The following MYLK variants were observed in gnomAD, a reference collection of about 807,000 sequenced individuals.
MYLK encodes myosin light chain kinase.
A neutral mutation model predicts 203.4 loss-of-function variants in MYLK; 106 were observed. The ratio of observed to expected loss-of-function variants is 0.52; its 90% CI spans 0.45 to 0.61. MYLK has a LOEUF of 0.61. Among genes scored for constraint, MYLK ranks in the 20% least tolerant of loss-of-function variants. MYLK has a pLI of 0.00. For synonymous variants in MYLK, 867 were observed against 959.5 expected, an observed-to-expected ratio of 0.90 and a Z score of 1.78; for missense variants, 2,072 against 2,442.3, an observed-to-expected ratio of 0.85 and a Z score of 3.20.
At chr3:123,682,899 C>T (rs571187380) in intron 19 of MYLK, among the ~76,000 whole-genome samples, 1 of 152,280 alleles carries the variant, frequency 6.6e-6, no homozygotes, top group South Asian at 2.1e-4. Context: ...TGCTAGACCT[C>T]CCCCAACAGG....
chr3:123,682,240 G>T lies in MYLK; in HGVS notation c.3636C>A (p.Pro1212=). The T allele has an allele frequency of 1.2e-6, 2 of 1,601,756 alleles. No homozygotes were observed. The highest frequency in any genetic ancestry group is 1.1e-5 in the South Asian group (1 of 88,024). Residue 1212 remains proline (P), a synonymous_variant, in exon 20 of 34, where the codon CCC becomes CCA. Coordinates refer to ENST00000360304, the MANE Select transcript of MYLK (RefSeq NM_053025.4). ...KSRRPKSSLP[P]VLGTESDATV... ...AGTACTCACTCTCAGTTCCTAGCACGGGAGGAAGAGAGCTCTTGGGCCTCC... is the reference window on the plus strand; with the variant it reads ...AGTACTCACTCTCAGTTCCTAGCACTGGAGGAAGAGAGCTCTTGGGCCTCC...
At position 123,737,287 on chromosome 3, in the gene MYLK, A is replaced by AGGTGTG. The variant is rs1425944279; in HGVS notation, c.754+90_754+91insCACACC. On this transcript the variant is annotated intron_variant, in intron 8 of 33. Transcript: ENST00000360304. Reference sequence around the variant, plus strand: ...GTGTGTGAGTGGGCCAGGTGTATACACACACAGGTGCGCAGTGAACAAGCA... The same window carrying AGGTGTG: ...GTGTGTGAGTGGGCCAGGTGTATACAGGTGTGCACACAGGTGCGCAGTGAACAAGCA... 14 of 1,549,924 alleles carry AGGTGTG rather than the reference A, an allele frequency of 9.0e-6. No individual in the cohort carries two copies. The Admixed American group carries it at 1.5e-4, about 17-fold the overall frequency.
intron 3 of MYLK, chr3:123,831,298 TC>T: frequency 8.7e-7 from 1 of 1,144,252 alleles, no homozygotes; most frequent in African/African-American, 1.6e-5. Context: ...CCTGGCTAGT[TC>T]CAATGATGAT....
At chr3:123,625,731 C>T (rs1332069097) in intron 31 of MYLK, among the ~76,000 whole-genome samples, 6 of 140,824 alleles carry the variant, frequency 4.3e-5, no homozygotes, top group East Asian at 2.2e-4. Flanking sequence ...TGGTGTGACC[C>T]GGGAGGTGGA....
chr3:123,699,284 G>A (rs1365758721), intron 18 of MYLK, among the ~76,000 whole-genome samples: 2 of 152,114 alleles, frequency 1.3e-5, no homozygotes. Flanking sequence ...TGGCTCCTCT[G>A]AAAACTCCAG....
chr3:123,804,888 T>G (rs555377101), intron 3 of MYLK, among the ~76,000 whole-genome samples: 15 of 152,284 alleles, frequency 9.9e-5, no homozygotes, highest in African/African-American at 3.4e-4. Flanking sequence ...TCTGTGTGTG[T>G]CCTCCTTTCC....
At chr3:123,671,432 GAC>G (rs1348121433) in intron 20 of MYLK, among the ~76,000 whole-genome samples, 4 of 152,224 alleles carry the variant, frequency 2.6e-5, no homozygotes, top group Admixed American at 2.6e-4. Context: ...AAGAAGCCGA[GAC>G]ACAGGAGAGG....
intron 7 of MYLK, among the ~76,000 whole-genome samples, chr3:123,738,508 G>A (rs974824242): frequency 4.6e-5 from 7 of 152,256 alleles, no homozygotes; most frequent in Admixed American, 3.9e-4. Flanking sequence ...GCTATGATAT[G>A]GTTTGGCTGT....
At chr3:123,761,602 C>A (rs542492867) in intron 4 of MYLK, among the ~76,000 whole-genome samples, 256 of 152,282 alleles carry the variant, frequency 1.7e-3, no homozygotes, top group Non-Finnish European at 3.1e-3. Context: ...TGCCCCATGT[C>A]CCAAGCTGCC....
chr3:123,790,878 G>A (rs72972327), intron 4 of MYLK, among the ~76,000 whole-genome samples: 97 of 152,298 alleles, frequency 6.4e-4, no homozygotes, highest in African/African-American at 2.3e-3. Context: ...CAACTTCACG[G>A]AGGAAAGCAG....
rs550238985 is a variant in MYLK, at chr3:123,868,866, A to G, written c.-127+7693T>C. Among the ~76,000 whole-genome samples the G allele has an allele frequency of 6.6e-5, 10 of 152,346 alleles. 1 individual carries two copies. The South Asian group carries it at 2.1e-3, about 32-fold the overall frequency. On this transcript the variant is annotated intron_variant, in intron 2 of 33. Transcript: ENST00000360304. The stretch of plus-strand genomic sequence containing the variant: ...CAGCCTATTTTACATGCCACGTTGA[A>G]TAGCTGAAATTTTGTCTTTTAGGTA...
At chr3:123,772,648 A>G (rs897870983) in intron 4 of MYLK, among the ~76,000 whole-genome samples, 1 of 152,130 alleles carries the variant, frequency 6.6e-6, no homozygotes, top group Non-Finnish European at 1.5e-5. Flanking sequence ...ATGTGTAAAA[A>G]AGGTGAACTT....
chr3:123,654,702 ATTCT>A (rs1033672526), intron 24 of MYLK, among the ~76,000 whole-genome samples: 9 of 140,566 alleles, frequency 6.4e-5, no homozygotes, highest in African/African-American at 2.4e-4. Flanking sequence ...CTTATCCTAT[ATTCT>A]TTAATTCTTT....
intron 20 of MYLK, among the ~76,000 whole-genome samples, chr3:123,667,574 A>G (rs1468228080): frequency 6.6e-6 from 1 of 151,910 alleles, no homozygotes; most frequent in Non-Finnish European, 1.5e-5. Context: ...ACTGCACTCC[A>G]GCCTGGGTGA....
Position 123,612,473 on chromosome 3 carries a change from C to T in MYLK, c.*1632G>A, listed in dbSNP as rs2057270957. 1.3e-5 allele frequency: 2 copies of T among 152,586 alleles called. No individual in the cohort carries two copies. The highest frequency in any genetic ancestry group is 2.9e-5 in the Non-Finnish European group (2 of 68,022). 9.5% of individuals were successfully genotyped at this position (152,586 alleles called of 1,614,324 possible). ...GCCACACATGCACACACACAACATACACGCACACAAAGGTTATATTCTGAA... is the reference window on the plus strand; with the variant it reads ...GCCACACATGCACACACACAACATATACGCACACAAAGGTTATATTCTGAA... On this transcript the variant is annotated 3_prime_UTR_variant, in exon 34 of 34. Coordinates refer to ENST00000360304, the MANE Select transcript of MYLK (RefSeq NM_053025.4).
At chr3:123,782,194 C>T (rs1358408987) in intron 4 of MYLK, among the ~76,000 whole-genome samples, 2 of 152,080 alleles carry the variant, frequency 1.3e-5, no homozygotes, top group Non-Finnish European at 2.9e-5. Flanking sequence ...GCTCTTTCCA[C>T]AACACACTAC....
At chr3:123,657,005 C>T (rs1560026718) in intron 24 of MYLK, 121 bp downstream of exon 24, 1 of 1,156,112 alleles carries the variant, frequency 8.6e-7, no homozygotes, top group South Asian at 1.3e-5. Context: ...CCCAAAAGAC[C>T]CTGCCAGTCA....
At chr3:123,856,592 A>C (rs1260510248) in intron 2 of MYLK, among the ~76,000 whole-genome samples, 1 of 152,168 alleles carries the variant, frequency 6.6e-6, no homozygotes, top group Non-Finnish European at 1.5e-5. Context: ...TAATCTTCAC[A>C]TCAGCTACTC....
intron 3 of MYLK, among the ~76,000 whole-genome samples, chr3:123,806,944 C>A (rs189508888): frequency 2.6e-5 from 4 of 151,684 alleles, no homozygotes; most frequent in Non-Finnish European, 5.9e-5. Context: ...GGATTACAGG[C>A]GTGAACCACC....
Sources: gnomAD v4.1 joint callset for allele counts (sites outside exome capture counted in the v4.1 genomes callset) on GRCh38, gnomAD v4.1.1 for gene constraint, MANE v1.5 for transcripts, NCBI Gene and HGNC (gene_info 2026-07-23, HGNC 2026-07-21) for gene names.